MAGI2: variants seen among roughly 807,000 people sequenced by gnomAD.
MAGI2 encodes the protein membrane-associated guanylate kinase, WW and PDZ domain-containing protein 2.
MAGI2 carries 35 observed loss-of-function variants against 133.3 expected under a neutral mutation model. That is an observed-to-expected ratio of 0.26 (90% CI 0.20 to 0.35). The LOEUF is 0.35. MAGI2 is among the 10% of genes least tolerant of loss of function. The pLI is 1.00. For synonymous variants in MAGI2, 729 were observed against 710.6 expected (o/e 1.03, Z -0.41); for missense variants, 1,636 against 1,863.4 (o/e 0.88, Z 2.25).
chr7:79,424,732 A>G (rs969434031), intron 1 of MAGI2, among the ~76,000 whole-genome samples: 1 of 152,244 alleles, frequency 6.6e-6, no homozygotes, highest in African/African-American at 2.4e-5. Flanking sequence ...TAAAGACTAT[A>G]TAAAGTCACA....
At chr7:78,836,871 A>G (rs1413993774) in intron 2 of MAGI2, among the ~76,000 whole-genome samples, 4 of 148,104 alleles carry the variant, frequency 2.7e-5, no homozygotes, top group African/African-American at 9.8e-5. Context: ...CACTGTAAGT[A>G]CAAGTGATTT....
At chr7:78,370,344 C>T (rs79403584) in intron 6 of MAGI2, among the ~76,000 whole-genome samples, 2,236 of 151,922 alleles carry the variant, frequency 0.015, 50 homozygotes, top group African/African-American at 0.051. Context: ...TGTGTGTTAC[C>T]GCACAATATC....
At chr7:79,104,186 C>T (rs749982244) in intron 1 of MAGI2, among the ~76,000 whole-genome samples, 1 of 152,016 alleles carries the variant, frequency 6.6e-6, no homozygotes, top group Non-Finnish European at 1.5e-5. Flanking sequence ...GTAAGGAGCC[C>T]CCTGTCATAC....
At chr7:79,156,528 T>G (rs1445113060) in intron 1 of MAGI2, among the ~76,000 whole-genome samples, 1 of 152,162 alleles carries the variant, frequency 6.6e-6, no homozygotes, top group Non-Finnish European at 1.5e-5. Context: ...TTTCCTTTCT[T>G]TTGATCCCAG....
intron 21 of MAGI2, among the ~76,000 whole-genome samples, chr7:78,049,956 T>C (rs1261626497): frequency 6.6e-6 from 1 of 152,204 alleles, no homozygotes; most frequent in African/African-American, 2.4e-5. Flanking sequence ...GGCAATGAAA[T>C]GCTCACTCTA....
At chr7:78,625,451 A>C (rs1808245271) in intron 3 of MAGI2, among the ~76,000 whole-genome samples, 1 of 152,280 alleles carries the variant, frequency 6.6e-6, no homozygotes, top group East Asian at 1.9e-4. Flanking sequence ...TGATTACAAA[A>C]GAGTCAAAAA....
intron 1 of MAGI2, among the ~76,000 whole-genome samples, chr7:79,009,441 G>A (rs1807824743): frequency 2.0e-5 from 3 of 151,858 alleles, no homozygotes; most frequent in African/African-American, 7.3e-5. Flanking sequence ...CTTTGTTTTG[G>A]AAGGATTTCT....
At chr7:79,221,967 G>T (rs1353434812) in intron 1 of MAGI2, among the ~76,000 whole-genome samples, 1 of 152,000 alleles carries the variant, frequency 6.6e-6, no homozygotes, top group Non-Finnish European at 1.5e-5. Context: ...GTTTATAAAT[G>T]AGAATAAGGA....
At chr7:78,604,827 T>C (rs953225180) in intron 3 of MAGI2, among the ~76,000 whole-genome samples, 15 of 152,242 alleles carry the variant, frequency 9.9e-5, no homozygotes, top group Admixed American at 3.9e-4. Flanking sequence ...ATCAATCTTG[T>C]TTAGTTTTTA....
At chr7:78,900,942 C>A (rs1030840287) in intron 2 of MAGI2, among the ~76,000 whole-genome samples, 1 of 152,228 alleles carries the variant, frequency 6.6e-6, no homozygotes, top group Admixed American at 6.5e-5. Flanking sequence ...TCTTTCAGTT[C>A]ATTGATTAAA....
In MAGI2 at chr7:78,017,869, T is replaced by C. The variant is rs1264611792; in HGVS notation, c.*1446A>G. On this transcript the variant is annotated 3_prime_UTR_variant, in exon 22 of 22. Transcript: ENST00000354212. ...ACAAGTGCAGGGAGGTGGAGCTTATTTGCATTTGAACTCCTGTAAAGAGTA... is the reference window on the plus strand; with the variant it reads ...ACAAGTGCAGGGAGGTGGAGCTTATCTGCATTTGAACTCCTGTAAAGAGTA... 1 of 152,240 alleles carries C rather than the reference T, an allele frequency of 6.6e-6. No homozygotes were observed. Among genetic ancestry groups the C allele is most frequent in the Non-Finnish European group, 1.5e-5 (1 of 68,054 alleles). The allele number at this position is 152,240 out of a possible 1,614,324, so 9.4% of individuals were successfully genotyped here.
chr7:78,966,805 T>G (rs1803351072), intron 2 of MAGI2, among the ~76,000 whole-genome samples: 1 of 151,618 alleles, frequency 6.6e-6, no homozygotes, highest in South Asian at 2.1e-4. Flanking sequence ...ATATGAGTTT[T>G]CAGATTTCTC....
At chr7:78,807,950 C>T (rs1210201079) in intron 2 of MAGI2, among the ~76,000 whole-genome samples, 1 of 152,082 alleles carries the variant, frequency 6.6e-6, no homozygotes, top group East Asian at 1.9e-4. Flanking sequence ...TGCCTTGCCC[C>T]AGACTTAGGT....
chr7:78,643,321 T>C (rs549839439), intron 2 of MAGI2, among the ~76,000 whole-genome samples: 1 of 152,246 alleles, frequency 6.6e-6, no homozygotes, highest in African/African-American at 2.4e-5. Context: ...ATTAGGAAGC[T>C]ACAAATATTT....
intron 3 of MAGI2, among the ~76,000 whole-genome samples, chr7:78,560,700 T>A (rs1017190612): frequency 6.6e-6 from 1 of 152,122 alleles, no homozygotes; most frequent in African/African-American, 2.4e-5. Flanking sequence ...CAGAGCTGGG[T>A]TTGAATTTCT....
intron 1 of MAGI2, among the ~76,000 whole-genome samples, chr7:79,106,965 A>G (rs1347259016): frequency 6.6e-6 from 1 of 152,228 alleles, no homozygotes; most frequent in East Asian, 1.9e-4. Flanking sequence ...TGTGGTCCAA[A>G]GCAGAGAAAT....
At chr7:79,016,004 G>GT (rs1371684954) in intron 1 of MAGI2, among the ~76,000 whole-genome samples, 4 of 114,074 alleles carry the variant, frequency 3.5e-5, no homozygotes, top group South Asian at 7.6e-4. Context: ...GAAGCGGGGG[G>GT]GGGGGGTGGG....
chr7:78,294,114 A>T (rs1465796951), intron 9 of MAGI2, among the ~76,000 whole-genome samples: 1 of 152,032 alleles, frequency 6.6e-6, no homozygotes. Flanking sequence ...AATACTTGCC[A>T]TTTTCTTTAG....
rs561257175 is a variant in MAGI2, at chr7:79,442,810, T to C, written c.301+10210A>G. Among the ~76,000 whole-genome samples, 5 of 152,262 alleles carry C rather than the reference T, an allele frequency of 3.3e-5. No homozygotes were observed. In the South Asian group the frequency reaches 8.3e-4, roughly 25 times the overall value. On this transcript the variant is annotated intron_variant, in intron 1 of 21. Coordinates refer to ENST00000354212, the MANE Select transcript of MAGI2 (RefSeq NM_012301.4). Reference sequence around the variant, plus strand: ...AGAATGGTAAGATTACCGTTATCTATGTTCAGGGTGTTTTTAGAAATTAGC... The same window carrying C: ...AGAATGGTAAGATTACCGTTATCTACGTTCAGGGTGTTTTTAGAAATTAGC...
Sources: gnomAD v4.1 joint callset for allele counts (sites outside exome capture counted in the v4.1 genomes callset) on GRCh38, gnomAD v4.1.1 for gene constraint, MANE v1.5 for transcripts, NCBI Gene and HGNC (gene_info 2026-07-23, HGNC 2026-07-21) for gene names.